Variants in GOLGA4 observed in about 807,000 individuals in gnomAD.
GOLGA4 encodes golgin A4.
GOLGA4 carries 169 observed loss-of-function variants against 265.9 expected under a neutral mutation model. That is an observed-to-expected ratio of 0.64 (90% confidence interval 0.56 to 0.72). The LOEUF (loss-of-function observed/expected upper bound fraction) is 0.72, where lower values mean the gene tolerates loss of function less well. Ranked by LOEUF, GOLGA4 falls within the 30% of genes least tolerant of loss-of-function variation. The pLI is 0.00. For missense variants in GOLGA4, 2,482 were observed against 2,483.4 expected (o/e 1.00, Z 0.01); for synonymous variants, 923 against 855.8 (o/e 1.08, Z -1.37).
intron 13 of GOLGA4, among the ~76,000 whole-genome samples, chr3:37,323,139 T>TCC (rs1221633717): frequency 1.2e-4 from 16 of 130,766 alleles, no homozygotes; most frequent in Middle Eastern, 3.7e-3. Flanking sequence ...TTTTTTTTTT[T>TCC]CCAAGACAGA....
Position 37,326,989 on chromosome 3 carries a change from A to G in GOLGA4, c.5103A>G (p.Ser1701=), listed in dbSNP as rs1461128155. 6.2e-7 allele frequency: 1 copy of G among 1,613,924 alleles called. No homozygotes were observed. The highest frequency in any genetic ancestry group is 1.1e-5 in the South Asian group (1 of 91,078). ...AAAAACTTAAGTCAGTGGAAAGTTC[A>G]CAGTCAGAAACATTAATTGTACCCA... ...LEEKLKSVES[S]QSETLIVPRS... is the part of the protein sequence containing the mutation. The change falls in exon 14 of 24, where the codon TCA becomes TCG. Residue 1701 remains serine, a synonymous_variant. Transcript: ENST00000361924.
At chr3:37,251,331 A>G (rs1436408289) in intron 1 of GOLGA4, 64 bp from the exon 2 acceptor site, 2 of 968,888 alleles carry the variant, frequency 2.1e-6, no homozygotes, top group African/African-American at 1.6e-5. Context: ...GAGAAGGACT[A>G]CCTAGTTCAT....
At chr3:37,335,916 C>A (rs955703234) in intron 17 of GOLGA4, among the ~76,000 whole-genome samples, 15 of 152,166 alleles carry the variant, frequency 9.9e-5, no homozygotes, top group Non-Finnish European at 2.1e-4. Context: ...AAAATGTTCT[C>A]ACTCATCCAG....
intron 16 of GOLGA4, among the ~76,000 whole-genome samples, chr3:37,333,407 T>G (rs999698063): frequency 1.3e-5 from 2 of 152,178 alleles, no homozygotes; most frequent in African/African-American, 4.8e-5. Context: ...AAAATAAGAC[T>G]AGAAGGCTTT....
At chr3:37,357,607 A>G (rs1007961201) in intron 22 of GOLGA4, among the ~76,000 whole-genome samples, 1 of 152,200 alleles carries the variant, frequency 6.6e-6, no homozygotes, top group Non-Finnish European at 1.5e-5. Context: ...GAGATTCTTG[A>G]TACTTGATAA....
intron 2 of GOLGA4, among the ~76,000 whole-genome samples, chr3:37,267,531 G>T (rs2096786992): frequency 1.3e-5 from 2 of 152,308 alleles, no homozygotes; most frequent in Admixed American, 1.3e-4. Context: ...TTCATTTTGG[G>T]AAAGTGGACA....
chr3:37,289,279 A>G lies in GOLGA4; in HGVS notation c.570A>G (p.Ala190=). Reference sequence around the variant, plus strand: ...AGGATAAATCACTTCGGAGAATAGCAGAATTAAGAGAGGTAAGTTTCAGTG... The same window carrying G: ...AGGATAAATCACTTCGGAGAATAGCGGAATTAAGAGAGGTAAGTTTCAGTG... ...QSQDKSLRRI[A]ELREELQMDQ... Residue 190 remains alanine (A), a synonymous_variant, in exon 5 of 24, where the codon GCA becomes GCG. Transcript: ENST00000361924. 2 of 1,570,570 alleles carry G rather than the reference A, an allele frequency of 1.3e-6. No homozygotes were observed. The highest frequency in any genetic ancestry group is 1.1e-5 in the South Asian group (1 of 89,130).
In GOLGA4 at chr3:37,343,525, T is replaced by A. The variant is rs1003023418; in HGVS notation, c.6472+3326T>A. On this transcript the variant is annotated intron_variant, in intron 20 of 23. Coordinates refer to ENST00000361924, the MANE Select transcript of GOLGA4 (RefSeq NM_002078.5). ...GCTGCTGCGCGCGGCCTGGCCAGGC[T>A]GGTTTTGAACTCCTGAGCCAAACAG... is the stretch of plus-strand genomic sequence containing the variant. Among the ~76,000 whole-genome samples the A allele has an allele frequency of 6.6e-5, 10 of 152,334 alleles. No homozygotes were observed. The South Asian group carries it at 1.9e-3, about 28-fold the overall frequency.
In GOLGA4 at chr3:37,321,882, G is replaced by A; in HGVS notation, c.1697G>A (p.Arg566Lys). 6.3e-7 allele frequency: 1 copy of A among 1,593,552 alleles called. No individual in the cohort carries two copies. The highest frequency in any genetic ancestry group is 8.5e-7 in the Non-Finnish European group (1 of 1,173,914). ...CTTCAGCAAGAAGCAGAGACTTACA[G>A]AACTGTAAGTTTTAATAATATTCAG... is the stretch of plus-strand genomic sequence containing the variant. ...RDLQQEAETY[R>K]TRILELESSL... The change falls in exon 13 of 24, where the codon AGA becomes AAA. Residue 566 changes from arginine (R) to lysine (K), a missense_variant. Around this residue, in one of 3 missense-constraint regions of GOLGA4, gnomAD observed 1,536 missense variants for 1,483.7 expected, o/e 1.04. Transcript: ENST00000361924.
At chr3:37,256,418 C>T (rs1392048373) in intron 2 of GOLGA4, among the ~76,000 whole-genome samples, 4 of 151,474 alleles carry the variant, frequency 2.6e-5, no homozygotes, top group Non-Finnish European at 2.9e-5. Context: ...TGCAGTGAGC[C>T]GAGGTCGTGC....
intron 1 of GOLGA4, among the ~76,000 whole-genome samples, chr3:37,246,802 G>C (rs934047184): frequency 6.6e-6 from 1 of 152,004 alleles, no homozygotes; most frequent in Non-Finnish European, 1.5e-5. Flanking sequence ...CAACATATAC[G>C]CCCCTCCTTA....
At chr3:37,305,846 T>C (rs1479021900) in intron 10 of GOLGA4, among the ~76,000 whole-genome samples, 1 of 152,232 alleles carries the variant, frequency 6.6e-6, no homozygotes, top group African/African-American at 2.4e-5. Flanking sequence ...GACAAATCAC[T>C]AATTCCTTTG....
intron 16 of GOLGA4, among the ~76,000 whole-genome samples, chr3:37,332,076 A>G (rs1408097380): frequency 6.6e-6 from 1 of 152,034 alleles, no homozygotes; most frequent in Admixed American, 6.5e-5. Context: ...TAACATAGTC[A>G]TCTGTCTGTC....
chr3:37,280,662 CAT>C (rs1463408568), intron 2 of GOLGA4, among the ~76,000 whole-genome samples: 1 of 152,032 alleles, frequency 6.6e-6, no homozygotes, highest in Non-Finnish European at 1.5e-5. Flanking sequence ...AACTTCTTTC[CAT>C]ATGTTATTGT....
chr3:37,349,722 G>T (rs1481644431), intron 21 of GOLGA4, among the ~76,000 whole-genome samples: 1 of 152,100 alleles, frequency 6.6e-6, no homozygotes, highest in Non-Finnish European at 1.5e-5. Context: ...CAAAGAATTT[G>T]AAATGGAGAC....
chr3:37,333,568 C>T (rs572180980), intron 16 of GOLGA4, among the ~76,000 whole-genome samples: 17 of 152,210 alleles, frequency 1.1e-4, no homozygotes, highest in Non-Finnish European at 2.1e-4. Context: ...GAAACTGAGC[C>T]TGACTAAATA....
chr3:37,310,733 GTGT>G (rs2096920777), intron 10 of GOLGA4, among the ~76,000 whole-genome samples: 1 of 150,942 alleles, frequency 6.6e-6, no homozygotes, highest in Non-Finnish European at 1.5e-5. Context: ...GTGTGTGTGT[GTGT>G]TTTTTTTTTT....
chr3:37,275,423 C>G (rs1267925091), intron 2 of GOLGA4, among the ~76,000 whole-genome samples: 5 of 152,088 alleles, frequency 3.3e-5, no homozygotes, highest in Non-Finnish European at 7.4e-5. Context: ...CCCAAATTCT[C>G]TAGAAATACA....
chr3:37,275,789 A>G (rs1307431655), intron 2 of GOLGA4: 4 of 1,613,552 alleles, frequency 2.5e-6, no homozygotes, highest in African/African-American at 2.7e-5. Context: ...GGAGCTTAAG[A>G]ATATTCCTAT....
Sources: gnomAD v4.1 joint callset for allele counts (sites outside exome capture counted in the v4.1 genomes callset) on GRCh38, gnomAD v4.1.1 for gene constraint, gnomAD v4.1.1 regional missense constraint, MANE v1.5 for transcripts, NCBI Gene and HGNC (gene_info 2026-07-23, HGNC 2026-07-21) for gene names.